The following ZBTB38 variants were observed in gnomAD, a reference collection of about 807,000 sequenced individuals.
The protein encoded by ZBTB38 is zinc finger and BTB domain-containing protein 38.
ZBTB38 carries 20 observed loss-of-function variants against 76.8 expected under a neutral mutation model. That is an observed-to-expected ratio of 0.26 (90% CI 0.18 to 0.38). ZBTB38 has a LOEUF of 0.38. ZBTB38 is among the 10% of genes least tolerant of loss of function. ZBTB38 has a pLI of 1.00. For synonymous variants in ZBTB38, 504 were observed against 544.2 expected (o/e 0.93, Z 1.03); for missense variants, 1,082 against 1,482.3 (o/e 0.73, Z 4.43).
intron 5 of ZBTB38, among the ~76,000 whole-genome samples, chr3:141,421,931 A>G (rs1182522037): frequency 2.0e-5 from 3 of 152,224 alleles, no homozygotes; most frequent in Non-Finnish European, 4.4e-5. Context: ...TCTCAGCACC[A>G]TCTTGTGGAC....
chr3:141,401,301 G>A (rs1391798962), intron 4 of ZBTB38, among the ~76,000 whole-genome samples: 1 of 152,114 alleles, frequency 6.6e-6, no homozygotes, highest in Non-Finnish European at 1.5e-5. Flanking sequence ...AATAAAGGGT[G>A]CTTGGCTTTG....
chr3:141,428,550 C>CA (rs2150391816), intron 5 of ZBTB38, among the ~76,000 whole-genome samples: 1 of 152,190 alleles, frequency 6.6e-6, no homozygotes, highest in South Asian at 2.1e-4. Flanking sequence ...TACAGTGGCA[C>CA]AATCTCAGCT....
At chr3:141,398,778 T>C (rs1950978151) in intron 4 of ZBTB38, among the ~76,000 whole-genome samples, 1 of 152,202 alleles carries the variant, frequency 6.6e-6, no homozygotes, top group Non-Finnish European at 1.5e-5. Context: ...ATAACCACAG[T>C]ACTAGACCAC....
At chr3:141,360,255 GC>G (rs1943780913) in intron 1 of ZBTB38, among the ~76,000 whole-genome samples, 1 of 152,170 alleles carries the variant, frequency 6.6e-6, no homozygotes, top group South Asian at 2.1e-4. Context: ...ACCCCACAGT[GC>G]TGCTTATAAT....
chr3:141,341,599 G>A (rs547639347), intron 1 of ZBTB38, among the ~76,000 whole-genome samples: 1 of 152,206 alleles, frequency 6.6e-6, no homozygotes, highest in Admixed American at 6.5e-5. Context: ...GAAAAGACAA[G>A]TAGCAAAGGA....
intron 1 of ZBTB38, among the ~76,000 whole-genome samples, chr3:141,361,462 C>G (rs1039828277): frequency 2.6e-5 from 4 of 152,186 alleles, no homozygotes; most frequent in African/African-American, 9.7e-5. Context: ...GATAACAGAA[C>G]TGAGGAAGCT....
intron 1 of ZBTB38, among the ~76,000 whole-genome samples, chr3:141,334,340 A>G (rs1435524185): frequency 2.0e-5 from 3 of 151,678 alleles, no homozygotes; most frequent in African/African-American, 7.3e-5. Flanking sequence ...TGCTTTCAAC[A>G]TTAAATCGCC....
At chr3:141,436,174 T>C (rs2078739218) in intron 5 of ZBTB38, among the ~76,000 whole-genome samples, 1 of 152,228 alleles carries the variant, frequency 6.6e-6, no homozygotes, top group South Asian at 2.1e-4. Context: ...AGTCAACGAA[T>C]ACTGTTTTTG....
intron 1 of ZBTB38, among the ~76,000 whole-genome samples, chr3:141,344,877 G>A (rs1943300671): frequency 1.3e-5 from 2 of 152,196 alleles, no homozygotes; most frequent in Non-Finnish European, 2.9e-5. Flanking sequence ...TGCCATGGAA[G>A]GTAACATATT....
At chr3:141,346,515 C>T (rs1324667791) in intron 1 of ZBTB38, among the ~76,000 whole-genome samples, 1 of 152,084 alleles carries the variant, frequency 6.6e-6, no homozygotes, top group Admixed American at 6.6e-5. Context: ...TTCATCCAAG[C>T]TATTACTCTG....
At chr3:141,350,505 C>A (rs1312468372) in intron 1 of ZBTB38, among the ~76,000 whole-genome samples, 1 of 152,110 alleles carries the variant, frequency 6.6e-6, no homozygotes, top group Non-Finnish European at 1.5e-5. Context: ...CTCCTGAGAC[C>A]TCACCTACTT....
intron 5 of ZBTB38, among the ~76,000 whole-genome samples, chr3:141,433,335 T>G (rs1210735272): frequency 2.0e-5 from 3 of 151,824 alleles, no homozygotes; most frequent in South Asian, 4.2e-4. Flanking sequence ...TGTTTTTTTT[T>G]GTTTTTTTTG....
intron 1 of ZBTB38, among the ~76,000 whole-genome samples, chr3:141,351,108 G>GGGTA (rs1943500960): frequency 6.6e-6 from 1 of 152,204 alleles, no homozygotes; most frequent in Non-Finnish European, 1.5e-5. Flanking sequence ...TTATCACACA[G>GGGTA]GGTAGGGTTG....
At chr3:141,331,002 G>A (rs59166966) in intron 1 of ZBTB38, among the ~76,000 whole-genome samples, 8,574 of 152,240 alleles carry the variant, frequency 0.056, 691 homozygotes, top group African/African-American at 0.17. Flanking sequence ...ATAAGCAACA[G>A]AAAACAGACA....
chr3:141,346,328 T>C (rs1943351586), intron 1 of ZBTB38, among the ~76,000 whole-genome samples: 1 of 152,254 alleles, frequency 6.6e-6, no homozygotes, highest in African/African-American at 2.4e-5. Context: ...TCTCTGTGAA[T>C]AACCTTGACG....
intron 5 of ZBTB38, chr3:141,426,164 T>C: frequency 7.8e-7 from 1 of 1,289,392 alleles, no homozygotes; most frequent in Non-Finnish European, 1.0e-6. Context: ...GCAGGAGACA[T>C]GGTAAGCTGT....
At chr3:141,385,767 A>G (rs1193758681) in intron 3 of ZBTB38, among the ~76,000 whole-genome samples, 1 of 152,144 alleles carries the variant, frequency 6.6e-6, no homozygotes, top group Non-Finnish European at 1.5e-5. Context: ...TCACCATTAC[A>G]TATTGAACTA....
At chr3:141,344,392 A>G (rs1943282660) in intron 1 of ZBTB38, among the ~76,000 whole-genome samples, 1 of 152,028 alleles carries the variant, frequency 6.6e-6, no homozygotes, top group Non-Finnish European at 1.5e-5. Flanking sequence ...ATTTTGAGAC[A>G]TGGTCTTGCT....
At chr3:141,430,538 C>T (rs928489094) in intron 5 of ZBTB38, among the ~76,000 whole-genome samples, 7 of 152,196 alleles carry the variant, frequency 4.6e-5, no homozygotes, top group African/African-American at 7.2e-5. Flanking sequence ...GCTTTTCAGG[C>T]GCATCATCTC....
Sources: gnomAD v4.1 joint callset for allele counts (sites outside exome capture counted in the v4.1 genomes callset) on GRCh38, gnomAD v4.1.1 for gene constraint, MANE v1.5 for transcripts, NCBI Gene and HGNC (gene_info 2026-07-23, HGNC 2026-07-21) for gene names.